The following RNF144A variants were observed in gnomAD, a reference collection of about 807,000 sequenced individuals.
RNF144A encodes the protein E3 ubiquitin-protein ligase RNF144A.
In RNF144A, 11 loss-of-function variants were observed where a neutral mutation model predicts 38.7. The ratio of observed to expected loss-of-function variants is 0.28; its 90% CI spans 0.18 to 0.47. RNF144A has a LOEUF of 0.47. Ranked by LOEUF, RNF144A falls within the 20% of genes least tolerant of loss-of-function variation. The pLI is 0.99. For missense variants in RNF144A, 316 were observed against 377.2 expected (o/e 0.84, Z 1.34); for synonymous variants, 149 against 143.9 (o/e 1.04, Z -0.25).
chr2:6,964,457 A>G (rs1667525842), intron 2 of RNF144A, among the ~76,000 whole-genome samples: 1 of 152,236 alleles, frequency 6.6e-6, no homozygotes, highest in Non-Finnish European at 1.5e-5. Context: ...TGACCCAGCC[A>G]TCCCATTACT....
chr2:7,003,362 G>T (rs372682090), intron 3 of RNF144A, among the ~76,000 whole-genome samples: 19 of 152,130 alleles, frequency 1.2e-4, no homozygotes, highest in African/African-American at 4.6e-4. Context: ...AGTCCTGTGA[G>T]CTCTATTCAT....
At chr2:6,936,521 G>C (rs1665594230) in intron 1 of RNF144A, among the ~76,000 whole-genome samples, 2 of 152,218 alleles carry the variant, frequency 1.3e-5, no homozygotes, top group South Asian at 2.1e-4. Context: ...TGCTATTTTA[G>C]AGCCTTTATT....
At chr2:6,960,274 G>C (rs988446282) in intron 2 of RNF144A, among the ~76,000 whole-genome samples, 1 of 152,122 alleles carries the variant, frequency 6.6e-6, no homozygotes, top group Non-Finnish European at 1.5e-5. Context: ...TGGAATCTTC[G>C]CAACAGAGTG....
chr2:7,037,924 G>A lies in RNF144A; in HGVS notation c.748-1705G>A, dbSNP rs183280351. Among the ~76,000 whole-genome samples, 357 of 152,338 alleles carry A rather than the reference G, an allele frequency of 2.3e-3. 1 individual carries two copies. The highest frequency in any genetic ancestry group is 8.2e-3 in the African/African-American group (339 of 41,574). On this transcript the variant is annotated intron_variant, in intron 8 of 8. Transcript: ENST00000320892. ...CTGGCCACACTGAACACTAGGTGGC[G>A]GTCTAGCCCTGTCCTCGCTCTCATT...
In RNF144A at chr2:6,962,544, C is replaced by T. The variant is rs1479942393; in HGVS notation, c.-12+21397C>T. On this transcript the variant is annotated intron_variant, in intron 2 of 8. Coordinates refer to ENST00000320892, the MANE Select transcript of RNF144A (RefSeq NM_014746.6). The surrounding 1 kb of genome is among the most constrained non-coding windows in gnomAD (Gnocchi z 4.1). ...GATCTCATAATTTCTTTCTACCTCCCATATCAAAACTTTGTGCTATTTAGC... is the reference window on the plus strand; with the variant it reads ...GATCTCATAATTTCTTTCTACCTCCTATATCAAAACTTTGTGCTATTTAGC... Among the ~76,000 whole-genome samples the T allele has an allele frequency of 6.6e-6, 1 of 152,184 alleles. No homozygotes were observed.
chr2:7,020,907 A>G, intron 6 of RNF144A: 2 of 569,512 alleles, frequency 3.5e-6, no homozygotes, highest in Non-Finnish European at 6.3e-6. Context: ...GGAAATAGAA[A>G]GGTGTGTGAG....
At chr2:7,071,646 A>G (rs1674488780), downstream of RNF144A, among the ~76,000 whole-genome samples, 1 of 151,954 alleles carries the variant, frequency 6.6e-6, no homozygotes, top group Non-Finnish European at 1.5e-5. Context: ...TTACAAGATA[A>G]ATCTCCTCCC....
intron 2 of RNF144A, among the ~76,000 whole-genome samples, chr2:6,993,343 A>G (rs1184028971): frequency 6.6e-6 from 1 of 152,152 alleles, no homozygotes; most frequent in Non-Finnish European, 1.5e-5. Context: ...GGGCAGGGGA[A>G]GCCACTGGGG....
intron 8 of RNF144A, among the ~76,000 whole-genome samples, chr2:7,030,812 C>G (rs1223504182): frequency 6.6e-6 from 1 of 152,026 alleles, no homozygotes; most frequent in Non-Finnish European, 1.5e-5. Flanking sequence ...AGTTGTACAA[C>G]TCACTATCAT....
chr2:6,957,368 G>A (rs1048465858), intron 2 of RNF144A, among the ~76,000 whole-genome samples: 2 of 152,214 alleles, frequency 1.3e-5, no homozygotes, highest in Non-Finnish European at 2.9e-5. Context: ...TGAAGGAACT[G>A]TATTTTAAAA....
At chr2:7,064,003 A>C (rs549264316) in intron 6 of RNF144A, among the ~76,000 whole-genome samples, 1 of 152,330 alleles carries the variant, frequency 6.6e-6, no homozygotes, top group African/African-American at 2.4e-5. Flanking sequence ...GGAAAGTGGA[A>C]GGCAGAAGTG....
At chr2:7,052,724 G>A (rs1345117445) in intron 6 of RNF144A, among the ~76,000 whole-genome samples, 3 of 152,064 alleles carry the variant, frequency 2.0e-5, no homozygotes, top group African/African-American at 7.3e-5. Flanking sequence ...TTAGGTTTCT[G>A]TTGTAACATG....
At chr2:6,996,853 G>T in intron 2 of RNF144A, 63 bp from the exon 3 acceptor site, 1 of 1,548,834 alleles carries the variant, frequency 6.5e-7, no homozygotes, top group Non-Finnish European at 8.8e-7. Context: ...GGAGAACCTT[G>T]CCACGGAGCA....
chr2:7,008,808 C>T (rs750096779), intron 3 of RNF144A, among the ~76,000 whole-genome samples: 6 of 152,196 alleles, frequency 3.9e-5, no homozygotes, highest in Non-Finnish European at 7.3e-5. Flanking sequence ...GCCAGGGAGC[C>T]GGGGCTCTGG....
intron 2 of RNF144A, among the ~76,000 whole-genome samples, chr2:6,954,316 T>TC (rs1666866987): frequency 6.6e-6 from 1 of 152,200 alleles, no homozygotes; most frequent in South Asian, 2.1e-4. Context: ...CTGTTTCTCT[T>TC]CTCTTAGTAG....
chr2:7,056,435 T>C (rs1360768029), intron 6 of RNF144A, among the ~76,000 whole-genome samples: 1 of 152,170 alleles, frequency 6.6e-6, no homozygotes, highest in African/African-American at 2.4e-5. Context: ...ATAGACTGAA[T>C]TGTGTCATTC....
chr2:6,939,060 A>G (rs1665793387), intron 1 of RNF144A, among the ~76,000 whole-genome samples: 1 of 151,382 alleles, frequency 6.6e-6, no homozygotes, highest in African/African-American at 2.4e-5. Context: ...TATAGGTTTT[A>G]TTGTGGAGAT....
intron 2 of RNF144A, among the ~76,000 whole-genome samples, chr2:6,991,496 A>C (rs1669372022): frequency 6.6e-6 from 1 of 152,178 alleles, no homozygotes; most frequent in South Asian, 2.1e-4. Flanking sequence ...CAAATCCAAA[A>C]GGCTCCATCT....
intron 2 of RNF144A, among the ~76,000 whole-genome samples, chr2:6,991,379 G>A (rs1024284683): frequency 6.6e-6 from 1 of 152,164 alleles, no homozygotes; most frequent in African/African-American, 2.4e-5. Flanking sequence ...TGACAGCTCC[G>A]TATTATGAAG....
Sources: allele counts gnomAD v4.1 joint callset (sites outside exome capture counted in the v4.1 genomes callset), GRCh38; gene constraint gnomAD v4.1.1; non-coding constraint Gnocchi (gnomAD v3.1); transcripts MANE v1.5; gene names NCBI Gene and HGNC (gene_info 2026-07-23, HGNC 2026-07-21).